Variants in CSMD1 observed in about 807,000 individuals in gnomAD.
CSMD1 encodes the protein CUB and sushi domain-containing protein 1.
A neutral mutation model predicts 417.5 loss-of-function variants in CSMD1; 213 were observed. The ratio of observed to expected loss-of-function variants is 0.51; its 90% confidence interval spans 0.46 to 0.57. The LOEUF is 0.57. Ranked by LOEUF, CSMD1 falls within the 20% of genes least tolerant of loss-of-function variation. The pLI is 0.00. For synonymous variants in CSMD1, 2,862 were observed against 1,736.8 expected (o/e 1.65, Z -16.11); for missense variants, 6,923 against 4,529.7 (o/e 1.53, Z -15.17).
intron 3 of CSMD1, among the ~76,000 whole-genome samples, chr8:4,136,633 A>T (rs532620430): frequency 2.6e-5 from 4 of 152,242 alleles, no homozygotes; most frequent in Non-Finnish European, 5.9e-5. Context: ...CCATAAAAAT[A>T]GTGAGACAGC....
chr8:4,241,438 A>T (rs1222229813), intron 3 of CSMD1, among the ~76,000 whole-genome samples: 4 of 152,184 alleles, frequency 2.6e-5, no homozygotes, highest in Non-Finnish European at 4.4e-5. Flanking sequence ...GCACTTTATT[A>T]TCTCAGTCAC....
chr8:4,994,292 G>A (rs762810943), intron 1 of CSMD1, 40 bp downstream of exon 1: 6 of 1,584,322 alleles, frequency 3.8e-6, no homozygotes, highest in East Asian at 2.2e-5. Flanking sequence ...GGCCTCCGAG[G>A]GCTCTACCGC....
intron 5 of CSMD1, among the ~76,000 whole-genome samples, chr8:3,763,676 C>A (rs575923780): frequency 6.6e-6 from 1 of 152,286 alleles, no homozygotes; most frequent in South Asian, 2.1e-4. Context: ...CACACTGACA[C>A]AAGTGCCTTT....
At chr8:4,827,490 A>C (rs1799902441) in intron 1 of CSMD1, among the ~76,000 whole-genome samples, 1 of 152,174 alleles carries the variant, frequency 6.6e-6, no homozygotes, top group African/African-American at 2.4e-5. Context: ...CTTAAGATGA[A>C]CTGAATATTT....
At chr8:3,987,361 T>A (rs55739792) in intron 5 of CSMD1, among the ~76,000 whole-genome samples, 41,308 of 152,114 alleles carry the variant, frequency 0.27, 5,741 homozygotes, top group East Asian at 0.38. Flanking sequence ...CTGCATTGCT[T>A]ATTTGTTGTT....
At chr8:3,885,499 A>G (rs1163360321) in intron 5 of CSMD1, among the ~76,000 whole-genome samples, 1 of 152,194 alleles carries the variant, frequency 6.6e-6, no homozygotes, top group African/African-American at 2.4e-5. Context: ...AACTCTCGAA[A>G]AATGTCTCTA....
chr8:3,946,314 T>C (rs1424761775), intron 5 of CSMD1, among the ~76,000 whole-genome samples: 1 of 152,148 alleles, frequency 6.6e-6, no homozygotes, highest in Non-Finnish European at 1.5e-5. Flanking sequence ...TTATCTCTTC[T>C]TTACGGAATT....
intron 2 of CSMD1, among the ~76,000 whole-genome samples, chr8:4,545,844 A>G (rs897764107): frequency 2.0e-5 from 3 of 152,214 alleles, no homozygotes; most frequent in Non-Finnish European, 4.4e-5. Context: ...GACAGTTTCT[A>G]GGAAGATCAT....
chr8:4,991,601 C>A (rs1267068402), intron 1 of CSMD1, among the ~76,000 whole-genome samples: 1 of 152,162 alleles, frequency 6.6e-6, no homozygotes, highest in Non-Finnish European at 1.5e-5. Flanking sequence ...CCTGCCGGAG[C>A]GCTCCTCCCC....
intron 3 of CSMD1, among the ~76,000 whole-genome samples, chr8:4,413,364 G>A (rs1042012833): frequency 2.0e-5 from 3 of 152,020 alleles, no homozygotes; most frequent in East Asian, 1.9e-4. Context: ...TCTTTTATCC[G>A]ACACATTAGA....
intron 1 of CSMD1, among the ~76,000 whole-genome samples, chr8:4,887,276 T>A (rs1372403858): frequency 1.3e-5 from 2 of 152,088 alleles, no homozygotes; most frequent in South Asian, 2.1e-4. Flanking sequence ...ACATGTAGAC[T>A]TTTCCTAGTT....
chr8:3,894,007 A>T (rs1258637275), intron 5 of CSMD1, among the ~76,000 whole-genome samples: 1 of 152,038 alleles, frequency 6.6e-6, no homozygotes, highest in East Asian at 1.9e-4. Context: ...ATGAATAATA[A>T]TGTAAAACTC....
intron 3 of CSMD1, among the ~76,000 whole-genome samples, chr8:4,141,495 A>G (rs763200258): frequency 3.3e-5 from 5 of 151,136 alleles, no homozygotes; most frequent in Non-Finnish European, 7.3e-5. Flanking sequence ...TGGTCTTCAC[A>G]ATAATCCTGA....
In CSMD1 at chr8:4,970,581, AT is replaced by A. The variant is rs369448922; in HGVS notation, c.85+23750del. 9.8e-3 allele frequency among the ~76,000 whole-genome samples: 1,492 copies of A among 151,476 alleles called. 9 individuals carry two copies. The highest frequency in any genetic ancestry group is 0.037 in the Middle Eastern group (11 of 294). ...GGTATGAACAATACTAATGATCTTG[AT>A]TTTTTTTTACCAGAAATATCTCTAC... On this transcript the variant is annotated intron_variant, in intron 1 of 69. Transcript: ENST00000635120.
chr8:4,490,387 T>C (rs1585158552), intron 2 of CSMD1, among the ~76,000 whole-genome samples: 1 of 152,332 alleles, frequency 6.6e-6, no homozygotes, highest in African/African-American at 2.4e-5. Flanking sequence ...CTAACTTAGT[T>C]TCTAAGGAAT....
intron 36 of CSMD1, among the ~76,000 whole-genome samples, chr8:3,183,346 T>C (rs953237247): frequency 6.9e-6 from 1 of 145,870 alleles, no homozygotes; most frequent in South Asian, 2.3e-4. Flanking sequence ...ATCGAGTAGG[T>C]CTCTAATGTT....
At chr8:3,301,625 G>A (rs1804414437) in intron 25 of CSMD1, among the ~76,000 whole-genome samples, 2 of 152,174 alleles carry the variant, frequency 1.3e-5, no homozygotes, top group South Asian at 2.1e-4. Flanking sequence ...AGTAGCACAG[G>A]CTATGATCAG....
chr8:3,602,417 G>C (rs1801407842), intron 8 of CSMD1, among the ~76,000 whole-genome samples: 1 of 152,134 alleles, frequency 6.6e-6, no homozygotes, highest in Admixed American at 6.5e-5. Flanking sequence ...AAAGGAATTA[G>C]AAAAATTAGG....
chr8:4,318,447 G>C (rs958932510), intron 3 of CSMD1, among the ~76,000 whole-genome samples: 4 of 151,962 alleles, frequency 2.6e-5, no homozygotes, highest in African/African-American at 7.3e-5. Flanking sequence ...AAATTACATT[G>C]AGTTAAAAGG....
Sources: gnomAD v4.1 joint callset for allele counts (sites outside exome capture counted in the v4.1 genomes callset) on GRCh38, gnomAD v4.1.1 for gene constraint, MANE v1.5 for transcripts, NCBI Gene and HGNC (gene_info 2026-07-23, HGNC 2026-07-21) for gene names.